The following SFXN1 variants were observed in gnomAD, a reference collection of about 807,000 sequenced individuals.
SFXN1 encodes the protein sideroflexin 1.
SFXN1 carries 32 observed loss-of-function variants against 39.5 expected under a neutral mutation model. The observed-to-expected ratio is 0.81, with a 90% CI of 0.61 to 1.09. The LOEUF (loss-of-function observed/expected upper bound fraction) is 1.09, where lower values mean the gene tolerates loss of function less well. Ranked by LOEUF, SFXN1 falls within the 50% of genes least tolerant of loss-of-function variation. The pLI is 0.00. For synonymous variants in SFXN1, 136 were observed against 146.5 expected, an observed-to-expected ratio of 0.93 and a Z score of 0.52; for missense variants, 402 against 407.1, an observed-to-expected ratio of 0.99 and a Z score of 0.11.
At position 175,516,553 on chromosome 5, in the gene SFXN1, A is replaced by T. The variant is rs1760721004; in HGVS notation, c.725-61A>T. The T allele has an allele frequency of 1.5e-5, 22 of 1,501,762 alleles. No individual in the cohort carries two copies. In the Admixed American group the frequency reaches 4.2e-4, roughly 29 times the overall value. 93.0% of individuals were successfully genotyped at this position (1,501,762 alleles called of 1,614,324 possible). A position where few individuals can be genotyped will look rare whatever the true frequency, so the allele number is the denominator to read the frequency against. ...AAGCTTTCTGTCAAATGGTTGAAAA[A>T]AAAAGTAAGCTGAAAATTGGCATTA... On this transcript the variant is annotated intron_variant, in intron 7 of 10. Transcript: ENST00000321442.
Position 175,511,446 on chromosome 5 carries a change from T to C in SFXN1, c.435-5T>C. 6.2e-7 allele frequency: 1 copy of C among 1,613,828 alleles called. No individual in the cohort carries two copies. The highest frequency in any genetic ancestry group is 8.5e-7 in the Non-Finnish European group (1 of 1,179,794). ...CGTCCACACGATATCCTTTTTTCTT[T>C]TCAGTGAGTTGGGAACAGCTTACGT... On this transcript the variant is annotated splice_region_variant and splice_polypyrimidine_tract_variant and intron_variant, in intron 4 of 10. Transcript: ENST00000321442.
In SFXN1 at chr5:175,521,963, C is replaced by T. The variant is rs1281733841; in HGVS notation, c.819C>T (p.Gly273=). The T allele has an allele frequency of 6.2e-7, 1 of 1,601,144 alleles. No individual in the cohort carries two copies. The highest frequency in any genetic ancestry group is 8.5e-7 in the Non-Finnish European group (1 of 1,171,452). Residue 273 remains glycine (G), a synonymous_variant, in exon 9 of 11, where the codon GGC becomes GGT. Coordinates refer to ENST00000321442, the MANE Select transcript of SFXN1 (RefSeq NM_022754.7). The stretch of plus-strand genomic sequence containing the variant: ...CACCCATTCAAGTTGGGTTAGTTGG[C>T]TTCTGGTGAGTAGAAATTACTTTTA... ...MSAPIQVGLV[G]FCLVFATPLC...
chr5:175,497,186 G>A (rs777545333), intron 2 of SFXN1, among the ~76,000 whole-genome samples: 3 of 152,096 alleles, frequency 2.0e-5, no homozygotes, highest in Non-Finnish European at 2.9e-5. Context: ...ACCATGCCTC[G>A]CCTATATACT....
At chr5:175,503,149 C>T (rs901629107) in intron 2 of SFXN1, among the ~76,000 whole-genome samples, 47 of 152,174 alleles carry the variant, frequency 3.1e-4, no homozygotes, top group Non-Finnish European at 4.7e-4. Flanking sequence ...AATTCCGGGG[C>T]GGTTACACCA....
intron 2 of SFXN1, 117 bp downstream of exon 2, chr5:175,492,384 T>A: frequency 1.1e-6 from 1 of 903,712 alleles, no homozygotes; most frequent in African/African-American, 2.7e-5. Flanking sequence ...GGAATTCTTT[T>A]GACCAAAAAA....
intron 10 of SFXN1, chr5:175,522,898 T>C (rs968212277): frequency 6.5e-6 from 1 of 154,556 alleles, no homozygotes; most frequent in African/African-American, 2.4e-5. Flanking sequence ...TGCCCTTGAA[T>C]CCTGCCTTTG....
chr5:175,494,859 AAAAT>A (rs1759799721), intron 2 of SFXN1, among the ~76,000 whole-genome samples: 1 of 152,232 alleles, frequency 6.6e-6, no homozygotes, highest in African/African-American at 2.4e-5. Flanking sequence ...AGAGTTAAAA[AAAAT>A]AAGCCATAAT....
rs191097508 is a variant in SFXN1 at position 175,500,210 on chromosome 5, A to G, written c.164+7943A>G. Among the ~76,000 whole-genome samples the G allele has an allele frequency of 2.0e-5, 3 of 152,076 alleles. No homozygotes were observed. In the East Asian group the frequency reaches 5.8e-4, roughly 29 times the overall value. On this transcript the variant is annotated intron_variant, in intron 2 of 10. Coordinates refer to ENST00000321442, the MANE Select transcript of SFXN1 (RefSeq NM_022754.7). ...CTCAAAAAAAAGAATTTACAAAAAA[A>G]CCAACTAGGATAAATGGGTTTAGTA...
intron 1 of SFXN1, among the ~76,000 whole-genome samples, chr5:175,484,852 C>T (rs1484357653): frequency 6.6e-6 from 1 of 152,194 alleles, no homozygotes; most frequent in East Asian, 1.9e-4. Context: ...CGCACCACCA[C>T]GCTCAGTGCT....
chr5:175,519,807 A>AT (rs200484011), intron 8 of SFXN1, among the ~76,000 whole-genome samples: 3,027 of 149,434 alleles, frequency 0.02, 50 homozygotes, highest in South Asian at 0.027. Context: ...CAATAAAGCT[A>AT]TTAGATCACT....
At chr5:175,498,198 A>G (rs1310410287) in intron 2 of SFXN1, among the ~76,000 whole-genome samples, 1 of 152,202 alleles carries the variant, frequency 6.6e-6, no homozygotes, top group Non-Finnish European at 1.5e-5. Flanking sequence ...TGATTAAACA[A>G]TAAAAGCTGA....
At chr5:175,496,489 A>G (rs1759865319) in intron 2 of SFXN1, among the ~76,000 whole-genome samples, 1 of 152,232 alleles carries the variant, frequency 6.6e-6, no homozygotes, top group Non-Finnish European at 1.5e-5. Flanking sequence ...AAACTCAGAA[A>G]TATACATGAT....
chr5:175,490,311 CG>C (rs1183513900), intron 1 of SFXN1, among the ~76,000 whole-genome samples: 1 of 152,162 alleles, frequency 6.6e-6, no homozygotes, highest in Admixed American at 6.5e-5. Context: ...ATAGGCTTCC[CG>C]TTAGCTTTGT....
intron 1 of SFXN1, among the ~76,000 whole-genome samples, chr5:175,481,650 G>A (rs1419303727): frequency 6.6e-6 from 1 of 152,216 alleles, no homozygotes; most frequent in Non-Finnish European, 1.5e-5. Context: ...AGTGGGATCT[G>A]CATGGGAGGG....
chr5:175,492,329 C>CT, intron 2 of SFXN1, 62 bp downstream of exon 2: 1 of 1,309,810 alleles, frequency 7.6e-7, no homozygotes, highest in Non-Finnish European at 1.0e-6. Context: ...AGGCTGCTAT[C>CT]TTTAAACCTT....
chr5:175,479,989 G>C (rs1759170441), intron 1 of SFXN1, among the ~76,000 whole-genome samples: 1 of 152,170 alleles, frequency 6.6e-6, no homozygotes, highest in South Asian at 2.1e-4. Context: ...CTTCAGACTT[G>C]ATATAAAAGA....
rs1561681332 is a variant in SFXN1 at position 175,527,914 on chromosome 5, A to ATTTTT, written c.*1180_*1181insTTTTT. On this transcript the variant is annotated 3_prime_UTR_variant, in exon 11 of 11. Transcript: ENST00000321442. ...TGAATTCAACCAAGTTTGGATGGAA[A>ATTTTT]ATTTTTTTTTTTTTTTTTTTTTTGA... The ATTTTT allele has an allele frequency of 7.0e-6, 1 of 142,276 alleles. No homozygotes were observed. Among genetic ancestry groups the ATTTTT allele is most frequent in the African/African-American group, 2.9e-5 (1 of 34,160 alleles). The allele number at this position is 142,276 out of a possible 1,614,324, so 8.8% of individuals were successfully genotyped here. A position where few individuals can be genotyped will look rare whatever the true frequency, so the allele number is the denominator to read the frequency against.
chr5:175,512,253 A>C, intron 6 of SFXN1, 57 bp downstream of exon 6: 2 of 1,440,768 alleles, frequency 1.4e-6, no homozygotes, highest in Non-Finnish European at 1.9e-6. Flanking sequence ...AGTCTCTTGT[A>C]ATAATTAGCT....
rs750119214 is a variant in SFXN1 at position 175,526,726 on chromosome 5, G to A, written c.961G>A (p.Gly321Arg). Residue 321 changes from glycine (G) to arginine (R), a missense_variant, in exon 11 of 11, where the codon GGA becomes AGA. Physicochemically the swap from Gly to Arg is moderately radical, Grantham distance 125. Coordinates refer to ENST00000321442, the MANE Select transcript of SFXN1 (RefSeq NM_022754.7). ...PELRRVYFNK[G>R]L ...ATTGCGACGCGTGTACTTCAATAAG[G>A]GATTGTAAAGCAGGGAGGAAACCTC... 15 of 1,613,958 alleles carry A rather than the reference G, an allele frequency of 9.3e-6. No homozygotes were observed. The highest frequency in any genetic ancestry group is 1.3e-5 in the Non-Finnish European group (15 of 1,179,816).
Sources: gnomAD v4.1 joint callset for allele counts (sites outside exome capture counted in the v4.1 genomes callset) on GRCh38, gnomAD v4.1.1 for gene constraint, MANE v1.5 for transcripts, NCBI Gene and HGNC (gene_info 2026-07-23, HGNC 2026-07-21) for gene names.